The following ZNF638 variants were observed in gnomAD, a reference collection of about 807,000 sequenced individuals.
ZNF638 encodes CTCL tumor antigen se33-1.
Under a neutral mutation model 195.6 loss-of-function variants are expected in ZNF638, and 46 were observed. The ratio of observed to expected loss-of-function variants is 0.24; its 90% CI spans 0.19 to 0.30. The LOEUF (loss-of-function observed/expected upper bound fraction) is 0.30, where lower values mean the gene tolerates loss of function less well. ZNF638 is among the 10% of genes least tolerant of loss of function. The probability of loss-of-function intolerance (pLI) is 1.00; values close to 1 mark genes in which losing one functional copy is unlikely to be tolerated. For missense variants in ZNF638, 2,440 were observed against 2,325.3 expected, an observed-to-expected ratio of 1.05 and a Z score of -1.01; for synonymous variants, 845 against 772.0, an observed-to-expected ratio of 1.09 and a Z score of -1.57.
At chr2:71,419,900 T>C (rs529574120) in intron 21 of ZNF638, among the ~76,000 whole-genome samples, 1 of 149,874 alleles carries the variant, frequency 6.7e-6, no homozygotes, top group African/African-American at 2.4e-5. Context: ...AAATAATTTA[T>C]AGATGTATTC....
chr2:71,376,114 A>G (rs2079417827), intron 8 of ZNF638: 1 of 152,252 alleles, frequency 6.6e-6, no homozygotes, highest in Admixed American at 6.5e-5. Context: ...GTAAAGTAGC[A>G]GTGTAAGTCC....
chr2:71,423,278 C>A lies in ZNF638; in HGVS notation c.3764C>A (p.Thr1255Lys), dbSNP rs751727822. ...SEAEDFISGI[T>K]QTMVEAVAEV... ...GCAGAAGATTTCATTTCTGGAATTA[C>A]ACAGACTATGGTAGAAGCTGTAGCT... The change falls in exon 22 of 28, where the codon ACA becomes AAA. Residue 1255 changes from threonine to lysine, a missense_variant. This residue lies in a region of ZNF638 where 1,883 missense variants were observed against 1,739.1 expected (regional missense o/e 1.08). Transcript: ENST00000264447. 6.2e-7 allele frequency: 1 copy of A among 1,613,912 alleles called. No individual in the cohort carries two copies. The highest frequency in any genetic ancestry group is 8.5e-7 in the Non-Finnish European group (1 of 1,179,972).
intron 8 of ZNF638, among the ~76,000 whole-genome samples, chr2:71,370,983 C>G (rs959852952): frequency 6.6e-6 from 1 of 152,052 alleles, no homozygotes; most frequent in Non-Finnish European, 1.5e-5. Flanking sequence ...CCCTGTTACC[C>G]TTCCCAGCCT....
chr2:71,386,236 G>T (rs2079634945), intron 10 of ZNF638, among the ~76,000 whole-genome samples: 1 of 140,828 alleles, frequency 7.1e-6, no homozygotes, highest in African/African-American at 2.6e-5. Flanking sequence ...CGACGCTTCA[G>T]TGAACTGTGA....
intron 16 of ZNF638, among the ~76,000 whole-genome samples, chr2:71,403,158 A>C (rs1159348226): frequency 1.3e-5 from 2 of 152,172 alleles, no homozygotes; most frequent in Non-Finnish European, 2.9e-5. Context: ...ATAAAATGAA[A>C]ATTTAAAAAC....
chr2:71,428,548 T>C lies in ZNF638; in HGVS notation c.5547T>C (p.Ala1849=), dbSNP rs2080587753. Residue 1849 remains alanine (A), a splice_region_variant and synonymous_variant, in exon 25 of 28, where the codon GCT becomes GCC. Coordinates refer to ENST00000264447, the MANE Select transcript of ZNF638 (RefSeq NM_014497.5). ...LKTMIERHLT[A]KTPTKRVRIG... is the part of the protein sequence containing the mutation. Reference sequence around the variant, plus strand: ...TAAATTAGGACTTTCTTTTTAAAGCTAAAACTCCAACCAAGAGAGTTAGAA... The same window carrying C: ...TAAATTAGGACTTTCTTTTTAAAGCCAAAACTCCAACCAAGAGAGTTAGAA... 1.9e-6 allele frequency: 3 copies of C among 1,612,118 alleles called. No individual in the cohort carries two copies. The highest frequency in any genetic ancestry group is 2.5e-6 in the Non-Finnish European group (3 of 1,179,358).
intron 22 of ZNF638, 37 bp from the exon 23 acceptor site, chr2:71,424,613 A>T: frequency 6.5e-7 from 1 of 1,540,544 alleles, no homozygotes; most frequent in Non-Finnish European, 8.9e-7. Context: ...TATGGTTGTA[A>T]ATTCCGTTTT....
chr2:71,366,618 C>T (rs541832716), intron 6 of ZNF638, among the ~76,000 whole-genome samples: 16 of 152,238 alleles, frequency 1.1e-4, no homozygotes, highest in Middle Eastern at 3.4e-3. Context: ...GAGTTTTGCT[C>T]TCTAATTGGG....
rs900493012 is a variant in ZNF638, at chr2:71,395,119, A to C, written c.2378-1022A>C. 4.6e-6 allele frequency: 3 copies of C among 645,562 alleles called. No homozygotes were observed. The African/African-American group carries it at 5.5e-5, about 12-fold the overall frequency. The allele number at this position is 645,562 out of a possible 1,614,324, so 40.0% of individuals were successfully genotyped here. A position where few individuals can be genotyped will look rare whatever the true frequency, so the allele number is the denominator to read the frequency against. On this transcript the variant is annotated intron_variant, in intron 10 of 27. Transcript: ENST00000264447. ...GAATCCCTAAACGCCATAGATCTAC[A>C]TGTCCAACAAACAGTTATATGGAAG... is the stretch of plus-strand genomic sequence containing the variant.
intron 10 of ZNF638, among the ~76,000 whole-genome samples, chr2:71,390,444 C>A (rs1396987166): frequency 6.6e-6 from 1 of 152,136 alleles, no homozygotes; most frequent in East Asian, 1.9e-4. Flanking sequence ...GCCTATCCAG[C>A]AAAGGAATTA....
chr2:71,351,648 T>C (rs1271384685), intron 2 of ZNF638, among the ~76,000 whole-genome samples: 2 of 152,074 alleles, frequency 1.3e-5, no homozygotes, highest in Non-Finnish European at 1.5e-5. Context: ...TTCTGTAGAG[T>C]AGAAAAGGTG....
intron 7 of ZNF638, among the ~76,000 whole-genome samples, chr2:71,369,440 A>G (rs899867587): frequency 6.6e-6 from 1 of 152,028 alleles, no homozygotes; most frequent in Admixed American, 6.5e-5. Flanking sequence ...GGAGTTCAAG[A>G]CCAGCCTGGG....
At chr2:71,355,007 C>T (rs963669918) in intron 2 of ZNF638, among the ~76,000 whole-genome samples, 6 of 151,820 alleles carry the variant, frequency 4.0e-5, no homozygotes, top group Admixed American at 1.3e-4. Context: ...CTCGCTCTGT[C>T]GCCCAGGCTG....
chr2:71,419,962 A>ACCCC (rs11374629), intron 21 of ZNF638, among the ~76,000 whole-genome samples: 49 of 28,492 alleles, frequency 1.7e-3, no homozygotes, highest in South Asian at 2.3e-3. Context: ...CTTAATTCCC[A>ACCCC]CCCCCCCCCG....
At chr2:71,351,218 C>T (rs1013414605) in intron 2 of ZNF638, among the ~76,000 whole-genome samples, 5 of 152,238 alleles carry the variant, frequency 3.3e-5, no homozygotes, top group East Asian at 1.9e-4. Flanking sequence ...TGTGTGTTAA[C>T]GCTCTTGTTC....
intron 24 of ZNF638, among the ~76,000 whole-genome samples, chr2:71,427,831 G>A (rs2080570073): frequency 6.6e-6 from 1 of 152,062 alleles, no homozygotes; most frequent in Non-Finnish European, 1.5e-5. Context: ...AAGTAATATT[G>A]TAATGATACA....
At chr2:71,396,055 C>T (rs778062125) in intron 10 of ZNF638, 86 bp from the exon 11 acceptor site, 34 of 1,290,272 alleles carry the variant, frequency 2.6e-5, no homozygotes, top group African/African-American at 5.9e-5. Flanking sequence ...AGGGTTCTTT[C>T]GAAATTATTG....
intron 1 of ZNF638, among the ~76,000 whole-genome samples, chr2:71,336,803 G>A (rs186754593): frequency 6.6e-6 from 1 of 152,298 alleles, no homozygotes; most frequent in East Asian, 1.9e-4. Context: ...AGCAGGACCA[G>A]AGTTAAAACA....
chr2:71,401,417 T>C (rs2080003234), intron 15 of ZNF638, among the ~76,000 whole-genome samples: 1 of 152,172 alleles, frequency 6.6e-6, no homozygotes, highest in South Asian at 2.1e-4. Flanking sequence ...TATTATGTAT[T>C]GCCTAAGTGA....
Sources: allele counts gnomAD v4.1 joint callset (sites outside exome capture counted in the v4.1 genomes callset), GRCh38; gene constraint gnomAD v4.1.1; regional missense constraint gnomAD v4.1.1; transcripts MANE v1.5; gene names NCBI Gene and HGNC (gene_info 2026-07-23, HGNC 2026-07-21).